The following PHF20 variants were observed in gnomAD, a reference collection of about 807,000 sequenced individuals.
The protein encoded by PHF20 is glioma-expressed antigen 2.
In PHF20, 23 loss-of-function variants were observed where a neutral mutation model predicts 113.5. The observed-to-expected ratio is 0.20, with a 90% CI of 0.15 to 0.29. The LOEUF (loss-of-function observed/expected upper bound fraction) is 0.29. Among genes scored for constraint, PHF20 ranks in the 10% least tolerant of loss-of-function variants. PHF20 has a pLI of 1.00. For synonymous variants in PHF20, 434 were observed against 457.3 expected (o/e 0.95, Z 0.65); for missense variants, 943 against 1,219.6 (o/e 0.77, Z 3.38).
At chr20:35,842,075 G>A (rs1428215631) in intron 2 of PHF20, among the ~76,000 whole-genome samples, 1 of 152,202 alleles carries the variant, frequency 6.6e-6, no homozygotes, top group Non-Finnish European at 1.5e-5. Context: ...GCCGGGCACA[G>A]TGGTTCACCC....
chr20:35,797,484 A>C (rs1327216074), intron 1 of PHF20, among the ~76,000 whole-genome samples: 1 of 148,802 alleles, frequency 6.7e-6, no homozygotes, highest in Non-Finnish European at 1.5e-5. Flanking sequence ...ACTGCACTCC[A>C]GTCTGGGCGA....
intron 11 of PHF20, 76 bp downstream of exon 11, chr20:35,913,423 C>A (rs1176928107): frequency 2.0e-6 from 2 of 986,994 alleles, no homozygotes; most frequent in African/African-American, 1.6e-5. Context: ...CCCATTATGG[C>A]CTCTGGGCCT....
At chr20:35,803,842 A>T (rs1040579467) in intron 2 of PHF20, among the ~76,000 whole-genome samples, 1 of 151,374 alleles carries the variant, frequency 6.6e-6, no homozygotes, top group Admixed American at 6.6e-5. Context: ...ATTTACCCAT[A>T]CTTAACTCCG....
At chr20:35,866,823 C>G (rs1290170364) in intron 6 of PHF20, among the ~76,000 whole-genome samples, 1 of 152,146 alleles carries the variant, frequency 6.6e-6, no homozygotes, top group African/African-American at 2.4e-5. Context: ...CAAGGACATT[C>G]AGTTTTTATA....
chr20:35,919,543 T>C (rs2055472871), intron 13 of PHF20, among the ~76,000 whole-genome samples: 9 of 152,150 alleles, frequency 5.9e-5, no homozygotes, highest in Admixed American at 5.9e-4. Context: ...TTTCACCATA[T>C]TGGCTAGGCT....
At chr20:35,944,555 C>T (rs1054089869) in intron 17 of PHF20, among the ~76,000 whole-genome samples, 4 of 152,062 alleles carry the variant, frequency 2.6e-5, no homozygotes, top group Middle Eastern at 3.2e-3. Context: ...GCCTTTTGTC[C>T]ATTTATTTAT....
At chr20:35,831,739 C>A (rs1220904634) in intron 2 of PHF20, among the ~76,000 whole-genome samples, 3 of 152,188 alleles carry the variant, frequency 2.0e-5, no homozygotes, top group Non-Finnish European at 4.4e-5. Flanking sequence ...CTGCGCCCAG[C>A]CTTACACACT....
At chr20:35,850,260 TCA>T (rs1356199889) in intron 4 of PHF20, among the ~76,000 whole-genome samples, 1 of 146,220 alleles carries the variant, frequency 6.8e-6, no homozygotes. Flanking sequence ...TGAGCTGACC[TCA>T]CCTCTTTGCT....
At chr20:35,858,580 G>A (rs966379345) in intron 5 of PHF20, among the ~76,000 whole-genome samples, 199 bp downstream of exon 5, 27 of 152,030 alleles carry the variant, frequency 1.8e-4, no homozygotes, top group African/African-American at 6.0e-4. Flanking sequence ...TTATTTATTT[G>A]TTTATTTAGA....
intron 8 of PHF20, 23 bp from the exon 9 acceptor site, chr20:35,871,627 C>T (rs1479228154): frequency 6.4e-7 from 1 of 1,568,738 alleles, no homozygotes; most frequent in South Asian, 1.2e-5. Context: ...ATATTTCCCC[C>T]AAACTTTCTT....
intron 16 of PHF20, among the ~76,000 whole-genome samples, chr20:35,939,820 A>G (rs2055941651): frequency 6.6e-6 from 1 of 152,184 alleles, no homozygotes; most frequent in South Asian, 2.1e-4. Flanking sequence ...TGGTGTCACC[A>G]GTGTTAAATA....
At chr20:35,888,181 A>G (rs953370323) in intron 9 of PHF20, among the ~76,000 whole-genome samples, 3 of 152,016 alleles carry the variant, frequency 2.0e-5, no homozygotes, top group Non-Finnish European at 4.4e-5. Context: ...GGGTTTCTCC[A>G]TGTTGGTCAG....
At chr20:35,864,097 C>T (rs905287458) in intron 6 of PHF20, among the ~76,000 whole-genome samples, 3 of 151,990 alleles carry the variant, frequency 2.0e-5, no homozygotes, top group Admixed American at 1.3e-4. Flanking sequence ...CATGAAGAGG[C>T]CCCCCCGGTT....
rs1240228187 is a variant in PHF20, at chr20:35,914,190, A to T, written c.1818A>T (p.Lys606Asn). ...PESGHHKGKVKALEEDNLSES... is the reference protein window; with the variant it reads ...PESGHHKGKVNALEEDNLSES... ...CTGGACACCACAAAGGGAAAGTGAA[A>T]GCATTGGGTAAGGAGGCTCTTCTGT... Residue 606 changes from lysine (K) to asparagine (N), a missense_variant, in exon 12 of 18, where the codon AAA (lysine) becomes AAT (asparagine). Around this residue, in one of 3 missense-constraint regions of PHF20, gnomAD observed 592 missense variants for 787.2 expected, o/e 0.75. Coordinates refer to ENST00000374012, the MANE Select transcript of PHF20 (RefSeq NM_016436.5). 6 of 1,614,028 alleles carry T rather than the reference A, an allele frequency of 3.7e-6. No homozygotes were observed. In the African/African-American group the frequency reaches 8.0e-5, roughly 22 times the overall value.
At chr20:35,828,080 A>G (rs1349116202) in intron 2 of PHF20, among the ~76,000 whole-genome samples, 5 of 151,884 alleles carry the variant, frequency 3.3e-5, no homozygotes, top group African/African-American at 1.2e-4. Flanking sequence ...CTGGAGTGCA[A>G]TGGCATGATC....
intron 9 of PHF20, among the ~76,000 whole-genome samples, chr20:35,895,866 T>C (rs929175830): frequency 6.6e-6 from 1 of 151,956 alleles, no homozygotes; most frequent in African/African-American, 2.4e-5. Context: ...TTTATATTTT[T>C]AGTGGAAATG....
At chr20:35,830,147 C>G (rs1202097173) in intron 2 of PHF20, among the ~76,000 whole-genome samples, 2 of 152,024 alleles carry the variant, frequency 1.3e-5, no homozygotes, top group Non-Finnish European at 2.9e-5. Flanking sequence ...CTCCCGAGTT[C>G]AGGCAGTCCA....
intron 2 of PHF20, among the ~76,000 whole-genome samples, chr20:35,814,180 A>G (rs1868453183): frequency 6.6e-6 from 1 of 151,994 alleles, no homozygotes; most frequent in South Asian, 2.1e-4. Flanking sequence ...TAAGAAATCT[A>G]TTTTTTGAAA....
chr20:35,801,798 A>G (rs577377286), intron 2 of PHF20, 193 bp downstream of exon 2: 8 of 456,274 alleles, frequency 1.8e-5, no homozygotes, highest in Non-Finnish European at 3.2e-5. Flanking sequence ...AACCCCCTGT[A>G]TATATTTGTT....
Sources: allele counts gnomAD v4.1 joint callset (sites outside exome capture counted in the v4.1 genomes callset), GRCh38; gene constraint gnomAD v4.1.1; regional missense constraint gnomAD v4.1.1; transcripts MANE v1.5; gene names NCBI Gene and HGNC (gene_info 2026-07-23, HGNC 2026-07-21).